Variants in OPRM1 observed in about 807,000 individuals in gnomAD.
The protein encoded by OPRM1 is opioid receptor mu 1.
OPRM1 carries 27 observed loss-of-function variants against 31.8 expected under a neutral mutation model. That is an observed-to-expected ratio of 0.85 (90% CI 0.63 to 1.17). OPRM1 has a LOEUF of 1.17. OPRM1 is among the 50% of genes most tolerant of loss of function. OPRM1 has a pLI of 0.00. For missense variants in OPRM1, 536 were observed against 511.1 expected (o/e 1.05, Z -0.47); for synonymous variants, 196 against 189.9 (o/e 1.03, Z -0.26).
intron 3 of OPRM1, among the ~76,000 whole-genome samples, chr6:154,099,354 AG>A (rs1794019302): frequency 6.7e-6 from 1 of 148,988 alleles, no homozygotes; most frequent in Admixed American, 6.8e-5. Flanking sequence ...AGAGCGAGAG[AG>A]AGAGAGAGAG....
In OPRM1 at chr6:154,051,156, C is replaced by A. The variant is rs1189238642; in HGVS notation, c.290+11322C>A. On this transcript the variant is annotated intron_variant, in intron 1 of 3. Transcript: ENST00000330432. ...GAAACTTTTACCTAATAAGTAATAA[C>A]CATGCTATAGCTATAAAATCACAAC... is the stretch of plus-strand genomic sequence containing the variant. 3.9e-5 allele frequency among the ~76,000 whole-genome samples: 6 copies of A among 152,076 alleles called. No individual in the cohort carries two copies. In the East Asian group the frequency reaches 9.6e-4, roughly 24 times the overall value.
chr6:154,089,490 G>A (rs1459415616), intron 1 of OPRM1, among the ~76,000 whole-genome samples: 2 of 151,456 alleles, frequency 1.3e-5, no homozygotes, highest in Non-Finnish European at 2.9e-5. Context: ...CAGGAGGTGA[G>A]GCAAGAGGAT....
rs770810812 is a variant in OPRM1, at chr6:154,068,738, T to C, written c.291-21088T>C. The stretch of plus-strand genomic sequence containing the variant: ...TATATATACCTAGTAGTGAGATTGC[T>C]AGATCATATGTTAGTTGTGCAATTA... On this transcript the variant is annotated intron_variant, in intron 1 of 3. Coordinates refer to ENST00000330432, the MANE Select transcript of OPRM1 (RefSeq NM_000914.5). Among the ~76,000 whole-genome samples the C allele has an allele frequency of 9.9e-5, 15 of 152,230 alleles. 1 individual carries two copies. Among genetic ancestry groups the C allele is most frequent in the Admixed American group, 2.6e-4 (4 of 15,278 alleles).
intron 3 of OPRM1, among the ~76,000 whole-genome samples, chr6:154,220,427 TG>T (rs1778771702): frequency 6.6e-6 from 1 of 151,928 alleles, no homozygotes; most frequent in Admixed American, 6.6e-5. Context: ...GAGGCCGAGG[TG>T]GGTGGATCAC....
At chr6:154,215,063 G>T (rs908570913) in intron 3 of OPRM1, among the ~76,000 whole-genome samples, 36 of 152,120 alleles carry the variant, frequency 2.4e-4, no homozygotes, top group African/African-American at 8.7e-4. Context: ...GGAGGATCTT[G>T]CTTATTTCTG....
intron 1 of OPRM1, among the ~76,000 whole-genome samples, chr6:154,077,927 G>A (rs1336931999): frequency 6.6e-6 from 1 of 150,998 alleles, no homozygotes; most frequent in Non-Finnish European, 1.5e-5. Flanking sequence ...CCACTCCAAG[G>A]AATTTGCCAA....
rs941948859 is a variant in OPRM1 at position 154,213,066 on chromosome 6, G to A, written c.1165-33627G>A. 2.6e-5 allele frequency: 14 copies of A among 532,438 alleles called. No individual in the cohort carries two copies. In the African/African-American group the frequency reaches 2.6e-4, roughly 10 times the overall value. The allele number at this position is 532,438 out of a possible 1,614,324, so 33.0% of individuals were successfully genotyped here. On this transcript the variant is annotated intron_variant, in intron 3 of 3. Transcript: ENST00000337049. ...AATTCGGGGCTCCTGACCTCAAAGAGCATCCAATATGCAGGAAGAAGACAA... is the reference window on the plus strand; with the variant it reads ...AATTCGGGGCTCCTGACCTCAAAGAACATCCAATATGCAGGAAGAAGACAA...
intron 1 of OPRM1, among the ~76,000 whole-genome samples, chr6:154,047,253 C>T (rs912130983): frequency 7.3e-6 from 1 of 137,030 alleles, no homozygotes; most frequent in African/African-American, 2.7e-5. Flanking sequence ...AGGGAAAAGT[C>T]ATCTTCTTAC....
At chr6:154,048,398 A>G (rs1781567440) in intron 1 of OPRM1, among the ~76,000 whole-genome samples, 1 of 152,164 alleles carries the variant, frequency 6.6e-6, no homozygotes, top group African/African-American at 2.4e-5. Flanking sequence ...GCCTCTCCAA[A>G]GTACTCCTAC....
intron 1 of OPRM1, among the ~76,000 whole-genome samples, chr6:154,046,124 A>G (rs75581952): frequency 2.7e-3 from 411 of 152,330 alleles, no homozygotes; most frequent in Admixed American, 7.3e-3. Context: ...TGTTTAATAA[A>G]TAGAGCTCTT....
At chr6:154,020,779 G>C (rs1209588372) in intron 1 of OPRM1, among the ~76,000 whole-genome samples, 1 of 152,052 alleles carries the variant, frequency 6.6e-6, no homozygotes, top group Admixed American at 6.6e-5. Context: ...ATTCACTAAG[G>C]GCATACAATG....
intron 2 of OPRM1, 27 bp from the exon 3 acceptor site, chr6:154,090,925 T>G (rs199571803): frequency 3.1e-6 from 5 of 1,589,264 alleles, no homozygotes; most frequent in Non-Finnish European, 4.3e-6. Flanking sequence ...TTGCTGCTAA[T>G]TTTTCCTTTA....
rs1198969391 is a variant in OPRM1 at position 154,129,438 on chromosome 6, G to C, written c.*10717G>C. Among the ~76,000 whole-genome samples the C allele has an allele frequency of 6.6e-6, 1 of 152,154 alleles. No homozygotes were observed. The highest frequency in any genetic ancestry group is 2.4e-5 in the African/African-American group (1 of 41,432). On this transcript the variant is annotated 3_prime_UTR_variant, in exon 4 of 4. Transcript: ENST00000330432. ...TGCCTGTATTTGGTTTTACTTCCTT[G>C]TTGTTTTTACTGAATATGAAACAAT...
chr6:154,066,527 A>G (rs1473887220), intron 1 of OPRM1, among the ~76,000 whole-genome samples: 1 of 146,196 alleles, frequency 6.8e-6, no homozygotes, highest in African/African-American at 2.8e-5. Context: ...ATCCCCCCCA[A>G]AAAAAATCAT....
At chr6:154,177,626 A>C (rs1800452638) in intron 3 of OPRM1, among the ~76,000 whole-genome samples, 1 of 152,234 alleles carries the variant, frequency 6.6e-6, no homozygotes, top group Non-Finnish European at 1.5e-5. Context: ...GATCATTAAA[A>C]AGTCAGGAAA....
In OPRM1 at chr6:154,090,997, G is replaced by A. The variant is rs1369421180; in HGVS notation, c.689G>A (p.Trp230Ter). The change falls in exon 3 of 4, where the codon TGG (tryptophan) becomes TAG (stop). Residue 230 changes from tryptophan to a stop codon, truncating the protein, a stop_gained. Transcript: ENST00000330432. LOFTEE classifies it high-confidence loss of function. ...TLTFSHPTWY[W>*]ENLLKICVFI... The stretch of plus-strand genomic sequence containing the variant: ...ACATTCTCTCATCCAACCTGGTACT[G>A]GGAAAACCTGCTGAAGATCTGTGTT... 1.2e-6 allele frequency: 2 copies of A among 1,614,080 alleles called. No homozygotes were observed. The highest frequency in any genetic ancestry group is 1.7e-4 in the Middle Eastern group (1 of 6,060).
intron 3 of OPRM1, chr6:154,156,458 A>C (rs2128544028): frequency 6.6e-6 from 1 of 152,222 alleles, no homozygotes. Context: ...GAGTCCTGAG[A>C]CTCAAGTTCC....
At chr6:154,231,511 A>C (rs961247494) in intron 3 of OPRM1, among the ~76,000 whole-genome samples, 1 of 152,252 alleles carries the variant, frequency 6.6e-6, no homozygotes, top group Non-Finnish European at 1.5e-5. Context: ...GTGACAGTTG[A>C]ATACACTGTG....
At chr6:154,138,264 G>T (rs533693532) in intron 3 of OPRM1, among the ~76,000 whole-genome samples, 1 of 151,706 alleles carries the variant, frequency 6.6e-6, no homozygotes, top group Non-Finnish European at 1.5e-5. Context: ...AAAAAGTCAC[G>T]CAGTTTTTTA....
Sources: gnomAD v4.1 joint callset for allele counts (sites outside exome capture counted in the v4.1 genomes callset) on GRCh38, gnomAD v4.1.1 for gene constraint, MANE v1.5 for transcripts, NCBI Gene and HGNC (gene_info 2026-07-23, HGNC 2026-07-21) for gene names.